The following PCDHGA6 variants were observed in gnomAD, a reference collection of about 807,000 sequenced individuals.
The protein encoded by PCDHGA6 is protocadherin gamma-A6.
Under a neutral mutation model 60.6 loss-of-function variants are expected in PCDHGA6, and 41 were observed. The ratio of observed to expected loss-of-function variants is 0.68; its 90% CI spans 0.53 to 0.88. The LOEUF is 0.88. Among genes scored for constraint, PCDHGA6 ranks in the 40% least tolerant of loss-of-function variants. The pLI, the probability that PCDHGA6 is intolerant of heterozygous loss-of-function variation, is 0.00. For missense variants in PCDHGA6, 1,312 were observed against 1,203.0 expected (o/e 1.09, Z -1.34); for synonymous variants, 594 against 524.4 (o/e 1.13, Z -1.81).
intron 1 of PCDHGA6, chr5:141,429,265 T>C (rs1297239650): frequency 6.6e-6 from 1 of 152,148 alleles, no homozygotes; most frequent in Non-Finnish European, 1.5e-5. Flanking sequence ...GAGGAATAAA[T>C]TTTTTTCCTG....
intron 1 of PCDHGA6, chr5:141,403,278 T>C (rs1254967384): frequency 1.2e-6 from 2 of 1,613,784 alleles, no homozygotes; most frequent in Non-Finnish European, 1.7e-6. Context: ...TTTAAAGTCC[T>C]GGTTGAAGAC....
chr5:141,455,448 C>T (rs1403500578), intron 1 of PCDHGA6, among the ~76,000 whole-genome samples: 1 of 152,112 alleles, frequency 6.6e-6, no homozygotes, highest in African/African-American at 2.4e-5. Context: ...CCATCTACCG[C>T]GGATACCAGC....
chr5:141,396,882 G>C (rs2093447309), intron 1 of PCDHGA6, among the ~76,000 whole-genome samples: 3 of 152,208 alleles, frequency 2.0e-5, no homozygotes, highest in African/African-American at 7.2e-5. Flanking sequence ...GCACATTTGA[G>C]AGGACAACAT....
intron 1 of PCDHGA6, chr5:141,389,816 G>A (rs1359127304): frequency 6.2e-7 from 1 of 1,613,776 alleles, no homozygotes; most frequent in Admixed American, 1.7e-5. Flanking sequence ...TGGTCGCCGT[G>A]CGTGACGGTG....
chr5:141,429,651 C>G (rs62379161), intron 1 of PCDHGA6, among the ~76,000 whole-genome samples: 5,146 of 152,188 alleles, frequency 0.034, 101 homozygotes, highest in Middle Eastern at 0.088. Context: ...TATTTCTTCC[C>G]AATTTAAAAT....
chr5:141,393,922 G>C (rs750880965), intron 1 of PCDHGA6: 16 of 1,613,832 alleles, frequency 9.9e-6, no homozygotes, highest in Middle Eastern at 1.6e-4. Context: ...GCCTTCTTGA[G>C]TGTGCATGAC....
At chr5:141,423,750 T>TGGGG (rs144521096) in intron 1 of PCDHGA6, 28 of 288,222 alleles carry the variant, frequency 9.7e-5, no homozygotes, top group Non-Finnish European at 1.2e-4. Flanking sequence ...GAAAACTGTT[T>TGGGG]GGGGGGGGGG....
chr5:141,425,890 G>A (rs943076854), intron 1 of PCDHGA6, among the ~76,000 whole-genome samples: 1 of 152,118 alleles, frequency 6.6e-6, no homozygotes, highest in Non-Finnish European at 1.5e-5. Flanking sequence ...AATCTTCTTT[G>A]GTAGTAAACA....
In PCDHGA6 at chr5:141,486,157, A is replaced by C. The variant is rs1562110580; in HGVS notation, c.2425-8650A>C. On this transcript the variant is annotated intron_variant, in intron 1 of 3. Transcript: ENST00000517434. This position sits in a 1 kb window ranked among gnomAD's most constrained non-coding sequence, Gnocchi z 5.0. ...TGCGGGCTCGCGATGGGGGTTCTCC[A>C]GCCATGGAGCAACATTGCAGCCTTC... 10 of 1,614,208 alleles carry C rather than the reference A, an allele frequency of 6.2e-6. No individual in the cohort carries two copies. The highest frequency in any genetic ancestry group is 8.5e-6 in the Non-Finnish European group (10 of 1,180,028).
chr5:141,419,936 G>T, intron 1 of PCDHGA6: 2 of 1,614,074 alleles, frequency 1.2e-6, no homozygotes, highest in Non-Finnish European at 1.7e-6. Context: ...GTTTTACCTG[G>T]TGGTGGCCTT....
intron 3 of PCDHGA6, among the ~76,000 whole-genome samples, chr5:141,510,089 C>G (rs2099879446): frequency 6.6e-6 from 1 of 152,136 alleles, no homozygotes; most frequent in African/African-American, 2.4e-5. Flanking sequence ...GCCTGGCACA[C>G]AGTAGGTGCT....
chr5:141,376,701 A>G (rs1226810157), intron 1 of PCDHGA6, 194 bp downstream of exon 1: 2 of 567,970 alleles, frequency 3.5e-6, no homozygotes, highest in African/African-American at 3.9e-5. Context: ...TTTTTTTGAG[A>G]CGGAGTCTCG....
rs185786686 is a variant in PCDHGA6 at position 141,384,098 on chromosome 5, A to G, written c.2424+7591A>G. 9.4e-3 allele frequency: 14,953 copies of G among 1,596,884 alleles called. 110 individuals carry two copies. The highest frequency in any genetic ancestry group is 0.01 in the Non-Finnish European group (12,057 of 1,171,020). On this transcript the variant is annotated intron_variant, in intron 1 of 3. Transcript: ENST00000517434. ...TTTAAATTAGAAAAATCAATAGATA[A>G]TTATTATAGATTGGTCACAACCAAA... is the stretch of plus-strand genomic sequence containing the variant.
At chr5:141,399,684 G>T in intron 1 of PCDHGA6, 1 of 1,613,538 alleles carries the variant, frequency 6.2e-7, no homozygotes, top group Non-Finnish European at 8.5e-7. Context: ...TTGACTACGA[G>T]CAGCTGCGCA....
At chr5:141,385,488 T>G in intron 1 of PCDHGA6, 1 of 1,400,248 alleles carries the variant, frequency 7.1e-7, no homozygotes, top group Non-Finnish European at 9.3e-7. Flanking sequence ...ATAGAACACA[T>G]AGGATATAGT....
At chr5:141,421,025 A>C (rs1047305594) in intron 1 of PCDHGA6, 4 of 526,168 alleles carry the variant, frequency 7.6e-6, no homozygotes, top group African/African-American at 5.9e-5. Context: ...GCTGCGCGCC[A>C]TTGAGTCCCT....
intron 1 of PCDHGA6, among the ~76,000 whole-genome samples, chr5:141,402,221 G>A (rs567791316): frequency 1.3e-5 from 2 of 151,942 alleles, no homozygotes; most frequent in Admixed American, 6.5e-5. Context: ...TAAAATAAAC[G>A]TTTTTCCAGG....
Position 141,374,587 on chromosome 5 carries a change from G to A in PCDHGA6, c.504G>A (p.Gln168=). Residue 168 remains glutamine (Q), a synonymous_variant, in exon 1 of 4, where the codon CAG becomes CAA. Coordinates refer to ENST00000517434, the MANE Select transcript of PCDHGA6 (RefSeq NM_018919.3). Reference sequence around the variant, plus strand: ...CTGATGTGGGAATGAACTCCCTTCAGGGATTTAAGCTCAGTGGTAATAGTC... The same window carrying A: ...CTGATGTGGGAATGAACTCCCTTCAAGGATTTAAGCTCAGTGGTAATAGTC... ...YDPDVGMNSL[Q]GFKLSGNSHF... is the part of the protein sequence containing the mutation. The A allele has an allele frequency of 1.2e-6, 2 of 1,613,722 alleles. No individual in the cohort carries two copies. The highest frequency in any genetic ancestry group is 1.7e-6 in the Non-Finnish European group (2 of 1,179,752).
chr5:141,469,511 G>A (rs2099203340), intron 1 of PCDHGA6, among the ~76,000 whole-genome samples: 1 of 152,038 alleles, frequency 6.6e-6, no homozygotes, highest in African/African-American at 2.4e-5. Flanking sequence ...GGAGGTGGAG[G>A]TTGCAGTGAG....
Sources: allele counts gnomAD v4.1 joint callset (sites outside exome capture counted in the v4.1 genomes callset), GRCh38; gene constraint gnomAD v4.1.1; non-coding constraint Gnocchi (gnomAD v3.1); transcripts MANE v1.5; gene names NCBI Gene and HGNC (gene_info 2026-07-23, HGNC 2026-07-21).